MRAP2: variants seen among roughly 807,000 people sequenced by gnomAD.
MRAP2 encodes the protein melanocortin 2 receptor accessory protein 2, also known as melanocortin-2 receptor accessory protein 2.
MRAP2 carries 20 observed loss-of-function variants against 17.4 expected under a neutral mutation model. That is an observed-to-expected ratio of 1.15 (90% CI 0.81 to 1.67). The LOEUF is 1.67. Among genes scored for constraint, MRAP2 ranks in the 40% most tolerant of loss-of-function variants. The probability of loss-of-function intolerance (pLI) is 0.00; values close to 1 mark genes in which losing one functional copy is unlikely to be tolerated. For missense variants in MRAP2, 238 were observed against 240.0 expected, an observed-to-expected ratio of 0.99 and a Z score of 0.05; for synonymous variants, 96 against 88.4, an observed-to-expected ratio of 1.09 and a Z score of -0.48.
At chr6:84,079,748 A>G (rs1412029502) in intron 3 of MRAP2, among the ~76,000 whole-genome samples, 1 of 152,246 alleles carries the variant, frequency 6.6e-6, no homozygotes, top group Non-Finnish European at 1.5e-5. Context: ...AAAGGAAGAT[A>G]AAGATATTGA....
the MRAP2 span, among the ~76,000 whole-genome samples, chr6:84,101,224 T>G: frequency 6.6e-6 from 1 of 152,196 alleles, no homozygotes; most frequent in South Asian, 2.1e-4. Context: ...GAATATACAC[T>G]GGCCCTTTAT....
chr6:84,123,118 T>C, the MRAP2 span, among the ~76,000 whole-genome samples: 1 of 152,030 alleles, frequency 6.6e-6, no homozygotes, highest in Non-Finnish European at 1.5e-5. Flanking sequence ...ATGAACTGAA[T>C]AACCAATATG....
chr6:84,060,836 C>A (rs549776083), intron 2 of MRAP2, among the ~76,000 whole-genome samples: 2 of 151,020 alleles, frequency 1.3e-5, no homozygotes, highest in East Asian at 3.9e-4. Flanking sequence ...CAGGCGCCTG[C>A]CACCACACCC....
chr6:84,111,329 T>C, the MRAP2 span, among the ~76,000 whole-genome samples: 1 of 152,198 alleles, frequency 6.6e-6, no homozygotes, highest in Non-Finnish European at 1.5e-5. Context: ...AGATCCCTTG[T>C]AAGTTTTATT....
chr6:84,083,589 A>C (rs190390936), intron 3 of MRAP2, among the ~76,000 whole-genome samples: 10 of 152,258 alleles, frequency 6.6e-5, no homozygotes, highest in African/African-American at 2.4e-4. Context: ...ATGAACAGTA[A>C]ACCCGGGCAA....
Position 84,055,447 on chromosome 6 carries a change from T to C in MRAP2, c.127+2T>C. ...TTGAAGGACTGAAGGCTCATAAATG[T>C]AAGTTTTATACAATTCCTCATTGAA... On this transcript the variant is annotated splice_donor_variant, in intron 2 of 3. Transcript: ENST00000257776. LOFTEE classifies it high-confidence loss of function. 1 of 1,611,400 alleles carries C rather than the reference T, an allele frequency of 6.2e-7. No homozygotes were observed. The highest frequency in any genetic ancestry group is 8.5e-7 in the Non-Finnish European group (1 of 1,178,894).
the MRAP2 span, chr6:84,124,989 T>C: frequency 9.5e-7 from 1 of 1,050,272 alleles, no homozygotes; most frequent in East Asian, 2.5e-5. Context: ...ACACTTGTTT[T>C]TCATAAGCTG....
In MRAP2 at chr6:84,033,881, C is replaced by T; in HGVS notation, c.-10C>T. Reference sequence around the variant, plus strand: ...GAGCCCGCGGGCCGGGGCTAGCCAGCCGGTAACCACGGGCGGGACAGGGCG... The same window carrying T: ...GAGCCCGCGGGCCGGGGCTAGCCAGTCGGTAACCACGGGCGGGACAGGGCG... On this transcript the variant is annotated splice_region_variant and 5_prime_UTR_variant, in exon 1 of 4. Transcript: ENST00000257776. The T allele has an allele frequency of 1.0e-6, 1 of 979,272 alleles. No individual in the cohort carries two copies. Among genetic ancestry groups the T allele is most frequent in the Non-Finnish European group, 1.2e-6 (1 of 829,944 alleles). The allele number at this position is 979,272 out of a possible 1,614,324, so 60.7% of individuals were successfully genotyped here. A position where few individuals can be genotyped will look rare whatever the true frequency, so the allele number is the denominator to read the frequency against.
chr6:84,100,710 C>T, the MRAP2 span, among the ~76,000 whole-genome samples: 1 of 152,196 alleles, frequency 6.6e-6, no homozygotes, highest in Non-Finnish European at 1.5e-5. Context: ...TCTGTGCTCT[C>T]TTCACACTTC....
At chr6:84,091,618 C>G (rs940953925), downstream of MRAP2, among the ~76,000 whole-genome samples, 3 of 152,136 alleles carry the variant, frequency 2.0e-5, no homozygotes, top group African/African-American at 7.2e-5. Flanking sequence ...TTCACAGCTA[C>G]TTAAGTGGTA....
the MRAP2 span, among the ~76,000 whole-genome samples, chr6:84,116,593 T>C: frequency 6.6e-6 from 1 of 152,198 alleles, no homozygotes; most frequent in East Asian, 1.9e-4. Flanking sequence ...TGTTTCCAGC[T>C]TTTACTCATT....
chr6:84,065,292 A>AT (rs2099494376), intron 3 of MRAP2, among the ~76,000 whole-genome samples: 1 of 152,112 alleles, frequency 6.6e-6, no homozygotes, highest in Admixed American at 6.5e-5. Flanking sequence ...CTCAAAAAAA[A>AT]AAAAAATTTA....
chr6:84,060,003 A>G (rs1478498365), intron 2 of MRAP2, among the ~76,000 whole-genome samples: 1 of 152,132 alleles, frequency 6.6e-6, no homozygotes. Flanking sequence ...TGTTTCTTGT[A>G]AGAGGCTCAG....
the MRAP2 span, chr6:84,124,707 C>T: frequency 7.2e-6 from 2 of 278,524 alleles, no homozygotes; most frequent in African/African-American, 2.3e-5. Flanking sequence ...ACAACAAGCA[C>T]ATGTACCCCC....
chr6:84,050,591 G>A (rs1040071892), intron 1 of MRAP2, among the ~76,000 whole-genome samples: 2 of 152,200 alleles, frequency 1.3e-5, no homozygotes, highest in African/African-American at 4.8e-5. Flanking sequence ...GCGTGTCTGA[G>A]CTTTATCTTT....
At chr6:84,127,930 T>C in the MRAP2 span, among the ~76,000 whole-genome samples, 2 of 152,324 alleles carry the variant, frequency 1.3e-5, no homozygotes, top group Non-Finnish European at 2.9e-5. Flanking sequence ...AAAGGGTAAG[T>C]AGTAGTCAGT....
At chr6:84,105,130 T>G in the MRAP2 span, among the ~76,000 whole-genome samples, 1 of 152,176 alleles carries the variant, frequency 6.6e-6, no homozygotes, top group Non-Finnish European at 1.5e-5. Flanking sequence ...CATTTTCCTG[T>G]CTTCTTCTGA....
chr6:84,081,766 C>T (rs564693980), intron 3 of MRAP2, among the ~76,000 whole-genome samples: 201 of 152,250 alleles, frequency 1.3e-3, no homozygotes, highest in Middle Eastern at 6.8e-3. Flanking sequence ...TGCAGTGAGC[C>T]AAGATCAAGC....
the MRAP2 span, among the ~76,000 whole-genome samples, chr6:84,127,377 G>T: frequency 6.6e-6 from 1 of 152,010 alleles, no homozygotes; most frequent in East Asian, 1.9e-4. Context: ...AACATGCAAA[G>T]ATACAAGCAA....
Sources: allele counts gnomAD v4.1 joint callset (sites outside exome capture counted in the v4.1 genomes callset), GRCh38; gene constraint gnomAD v4.1.1; transcripts MANE v1.5; gene names NCBI Gene and HGNC (gene_info 2026-07-23, HGNC 2026-07-21).